Variants in GPR158 observed in about 807,000 individuals in gnomAD.
GPR158 encodes metabotropic glycine receptor.
GPR158 carries 30 observed loss-of-function variants against 78.2 expected under a neutral mutation model. The observed-to-expected ratio is 0.38, with a 90% CI of 0.29 to 0.52. The LOEUF is 0.52. Among genes scored for constraint, GPR158 ranks in the 20% least tolerant of loss-of-function variants. The pLI is 0.83. For synonymous variants in GPR158, 581 were observed against 591.1 expected, an observed-to-expected ratio of 0.98 and a Z score of 0.25; for missense variants, 1,463 against 1,523.5, an observed-to-expected ratio of 0.96 and a Z score of 0.66.
chr10:25,335,766 TA>T (rs921565652), intron 2 of GPR158, among the ~76,000 whole-genome samples: 30 of 152,158 alleles, frequency 2.0e-4, no homozygotes, highest in African/African-American at 7.2e-4. Context: ...CATTTTATAG[TA>T]AAAAACAAAT....
chr10:25,424,984 A>G (rs1487940838), intron 4 of GPR158, among the ~76,000 whole-genome samples: 2 of 152,150 alleles, frequency 1.3e-5, no homozygotes, highest in Non-Finnish European at 2.9e-5. Flanking sequence ...CAGTATGGCC[A>G]TTTTCACGAC....
intron 6 of GPR158, among the ~76,000 whole-genome samples, chr10:25,571,212 T>G (rs954815725): frequency 1.3e-5 from 2 of 152,196 alleles, no homozygotes; most frequent in Non-Finnish European, 2.9e-5. Flanking sequence ...GGAGCGTGGT[T>G]AAGAGATCTT....
rs191705850 is a variant in GPR158 at position 25,448,323 on chromosome 10, C to G, written c.1336-18328C>G. Among the ~76,000 whole-genome samples, 719 of 152,092 alleles carry G rather than the reference C, an allele frequency of 4.7e-3. 5 individuals are homozygous for G. Among genetic ancestry groups the G allele is most frequent in the Non-Finnish European group, 7.0e-3 (474 of 67,984 alleles). ...GCCAGGATGGTCTCGATCTTCTGAC[C>G]TCATGATCTGCCCACCTTGGCCTCC... On this transcript the variant is annotated intron_variant, in intron 4 of 10. Transcript: ENST00000376351.
chr10:25,406,388 G>A (rs1260040626), intron 3 of GPR158, among the ~76,000 whole-genome samples: 1 of 152,092 alleles, frequency 6.6e-6, no homozygotes, highest in African/African-American at 2.4e-5. Flanking sequence ...ATCCAACTCA[G>A]TAATCTACCT....
intron 2 of GPR158, among the ~76,000 whole-genome samples, chr10:25,375,466 C>CT (rs34150156): frequency 5.0e-5 from 4 of 79,454 alleles, no homozygotes; most frequent in East Asian, 2.1e-4. Flanking sequence ...ATGTTTTTCT[C>CT]TTTTTTTTCT....
At chr10:25,204,951 G>T (rs764510651) in intron 1 of GPR158, among the ~76,000 whole-genome samples, 1 of 151,676 alleles carries the variant, frequency 6.6e-6, no homozygotes, top group Non-Finnish European at 1.5e-5. Context: ...GAGGGACCCA[G>T]TGGGAGATAA....
At chr10:25,257,227 A>G (rs1461061167) in intron 2 of GPR158, among the ~76,000 whole-genome samples, 1 of 152,164 alleles carries the variant, frequency 6.6e-6, no homozygotes, top group African/African-American at 2.4e-5. Context: ...AGCCCACCCT[A>G]GAACTTACTC....
chr10:25,471,679 T>C (rs192283960), intron 5 of GPR158, among the ~76,000 whole-genome samples: 7 of 152,288 alleles, frequency 4.6e-5, no homozygotes, highest in Admixed American at 3.9e-4. Context: ...TGGTATCTCA[T>C]TGTGGTTTTG....
intron 1 of GPR158, among the ~76,000 whole-genome samples, chr10:25,185,446 G>A (rs1488045545): frequency 1.3e-5 from 2 of 152,162 alleles, no homozygotes; most frequent in Non-Finnish European, 2.9e-5. Flanking sequence ...TAAATATGTA[G>A]AATCTGTTGC....
At chr10:25,427,926 C>A (rs1264975782) in intron 4 of GPR158, among the ~76,000 whole-genome samples, 1 of 151,982 alleles carries the variant, frequency 6.6e-6, no homozygotes, top group Non-Finnish European at 1.5e-5. Context: ...TGAATTTAAA[C>A]CTGTCTGACT....
chr10:25,410,471 C>T (rs1834568295), intron 3 of GPR158, among the ~76,000 whole-genome samples: 1 of 152,080 alleles, frequency 6.6e-6, no homozygotes, highest in African/African-American at 2.4e-5. Context: ...CAAAAATTAG[C>T]CAGGCGTGGT....
chr10:25,413,130 G>C (rs1463125699), intron 4 of GPR158, among the ~76,000 whole-genome samples: 2 of 151,942 alleles, frequency 1.3e-5, no homozygotes, highest in Non-Finnish European at 2.9e-5. Flanking sequence ...AGACCAGCCT[G>C]ACCAACATAG....
At chr10:25,255,381 C>G (rs1000971964) in intron 2 of GPR158, among the ~76,000 whole-genome samples, 1 of 152,184 alleles carries the variant, frequency 6.6e-6, no homozygotes, top group Non-Finnish European at 1.5e-5. Context: ...GTTCATCATT[C>G]AAACAACAAA....
intron 2 of GPR158, among the ~76,000 whole-genome samples, chr10:25,344,786 C>T (rs904567086): frequency 2.6e-5 from 4 of 151,904 alleles, no homozygotes; most frequent in African/African-American, 9.7e-5. Flanking sequence ...TGATAAAATA[C>T]CACAGACTGG....
At chr10:25,345,908 G>A (rs927170176) in intron 2 of GPR158, among the ~76,000 whole-genome samples, 1 of 151,940 alleles carries the variant, frequency 6.6e-6, no homozygotes, top group African/African-American at 2.4e-5. Context: ...TGGGGGTGGG[G>A]AAGAGCAAGT....
rs573238099 is a variant in GPR158, at chr10:25,384,541, C to T, written c.1009-11370C>T. Reference sequence around the variant, plus strand: ...TTTACATTTTAGGAAAATTCCAAAACAAAAATTTTAAAAAGGCATTTAAAG... The same window carrying T: ...TTTACATTTTAGGAAAATTCCAAAATAAAAATTTTAAAAAGGCATTTAAAG... On this transcript the variant is annotated intron_variant, in intron 2 of 10. Coordinates refer to ENST00000376351, the MANE Select transcript of GPR158 (RefSeq NM_020752.3). 3.3e-5 allele frequency among the ~76,000 whole-genome samples: 5 copies of T among 152,030 alleles called. No homozygotes were observed. The South Asian group carries it at 1.0e-3, about 32-fold the overall frequency.
At chr10:25,445,554 A>T (rs1467166338) in intron 4 of GPR158, among the ~76,000 whole-genome samples, 1 of 152,224 alleles carries the variant, frequency 6.6e-6, no homozygotes, top group Non-Finnish European at 1.5e-5. Flanking sequence ...TGAATGTGGA[A>T]GGTAGCCTAG....
chr10:25,335,961 G>A (rs1855199601), intron 2 of GPR158, among the ~76,000 whole-genome samples: 2 of 151,972 alleles, frequency 1.3e-5, no homozygotes. Flanking sequence ...TCAAAGATTT[G>A]TTATGAAAAT....
chr10:25,468,166 G>T (rs12763436), intron 5 of GPR158, among the ~76,000 whole-genome samples: 22,251 of 152,026 alleles, frequency 0.15, 1,822 homozygotes, highest in African/African-American at 0.2. Context: ...TGATCATTGG[G>T]CATCTTAAGG....
Sources: allele counts gnomAD v4.1 joint callset (sites outside exome capture counted in the v4.1 genomes callset), GRCh38; gene constraint gnomAD v4.1.1; transcripts MANE v1.5; gene names NCBI Gene and HGNC (gene_info 2026-07-23, HGNC 2026-07-21).